Variants in MARCHF10 observed in about 807,000 individuals in gnomAD.
The protein encoded by MARCHF10 is membrane associated ring-CH-type finger 10.
MARCHF10 carries 64 observed loss-of-function variants against 76.2 expected under a neutral mutation model. The observed-to-expected ratio is 0.84, with a 90% confidence interval of 0.69 to 1.03. MARCHF10 has a LOEUF of 1.03. Ranked by LOEUF, MARCHF10 falls within the 50% of genes least tolerant of loss-of-function variation. MARCHF10 has a pLI of 0.00. For synonymous variants in MARCHF10, 340 were observed against 357.5 expected (o/e 0.95, Z 0.55); for missense variants, 875 against 958.0 (o/e 0.91, Z 1.14).
intron 8 of MARCHF10, among the ~76,000 whole-genome samples, chr17:62,714,050 T>C (rs189801647): frequency 2.1e-4 from 32 of 152,360 alleles, no homozygotes; most frequent in African/African-American, 7.5e-4. Context: ...AGAGTGCTCC[T>C]AGGTATAAGG....
At chr17:62,755,381 G>A (rs1363557615) in intron 4 of MARCHF10, among the ~76,000 whole-genome samples, 10 of 152,288 alleles carry the variant, frequency 6.6e-5, no homozygotes, top group East Asian at 1.9e-4. Context: ...ATGCCCCTTC[G>A]TGTCCTGGAA....
chr17:62,735,270 G>A (rs1409566788), intron 6 of MARCHF10: 2 of 152,088 alleles, frequency 1.3e-5, no homozygotes, highest in Non-Finnish European at 2.9e-5. Flanking sequence ...TTTAATGATG[G>A]CTTTACAAAG....
At chr17:62,800,460 A>G (rs1045812879) in intron 2 of MARCHF10, among the ~76,000 whole-genome samples, 9 of 152,150 alleles carry the variant, frequency 5.9e-5, no homozygotes, top group African/African-American at 2.2e-4. Context: ...TCGTCTTCTT[A>G]TACGTGGGTT....
At chr17:62,714,485 A>C in intron 8 of MARCHF10, 10 of 911,366 alleles carry the variant, frequency 1.1e-5, no homozygotes, top group Non-Finnish European at 1.2e-5. Flanking sequence ...TCTGGGCGTT[A>C]AGATCTGTGA....
In MARCHF10 at chr17:62,701,548, CAG is replaced by C. The variant is rs2089233826; in HGVS notation, c.*153_*154del. Reference sequence around the variant, plus strand: ...TGTGGCTGCCCATAGATGCTCAAGCCAGACCCCAAAAGAGAGTGGCACGAGGT... The same window carrying C: ...TGTGGCTGCCCATAGATGCTCAAGCCACCCCAAAAGAGAGTGGCACGAGGT... On this transcript the variant is annotated 3_prime_UTR_variant, in exon 11 of 11. Coordinates refer to ENST00000311269, the MANE Select transcript of MARCHF10 (RefSeq NM_152598.4). 31 of 1,526,156 alleles carry C rather than the reference CAG, an allele frequency of 2.0e-5. No individual in the cohort carries two copies. In the East Asian group the frequency reaches 6.7e-4, roughly 33 times the overall value. 94.5% of individuals were successfully genotyped at this position (1,526,156 alleles called of 1,614,324 possible).
In MARCHF10 at chr17:62,721,510, G is replaced by A. The variant is rs571533749; in HGVS notation, c.2214+978C>T. Among the ~76,000 whole-genome samples the A allele has an allele frequency of 4.6e-5, 7 of 152,138 alleles. No individual in the cohort carries two copies. The South Asian group carries it at 1.2e-3, about 27-fold the overall frequency. On this transcript the variant is annotated intron_variant, in intron 8 of 10. Coordinates refer to ENST00000311269, the MANE Select transcript of MARCHF10 (RefSeq NM_152598.4). ...AAAATAGTATTAGGTTGGTGCAAAAGTAATTGTGGATATTGCCAACAAAAG... is the reference window on the plus strand; with the variant it reads ...AAAATAGTATTAGGTTGGTGCAAAAATAATTGTGGATATTGCCAACAAAAG...
intron 7 of MARCHF10, among the ~76,000 whole-genome samples, chr17:62,724,086 T>C (rs548211482): frequency 1.4e-4 from 22 of 151,844 alleles, no homozygotes; most frequent in Admixed American, 1.3e-3. Context: ...CGGGGAGAAA[T>C]AGGATCTGGC....
At chr17:62,802,369 G>A (rs1328449882) in intron 1 of MARCHF10, among the ~76,000 whole-genome samples, 1 of 152,062 alleles carries the variant, frequency 6.6e-6, no homozygotes, top group Non-Finnish European at 1.5e-5. Flanking sequence ...ACAGGCACCT[G>A]CCACCACGCC....
At chr17:62,799,955 T>C (rs1401705612) in intron 2 of MARCHF10, among the ~76,000 whole-genome samples, 16 of 152,138 alleles carry the variant, frequency 1.1e-4, no homozygotes. Context: ...ATAATTCACC[T>C]CAACAGTCAA....
chr17:62,705,243 C>G, intron 10 of MARCHF10: 1 of 1,346,196 alleles, frequency 7.4e-7, no homozygotes, highest in Non-Finnish European at 9.5e-7. Flanking sequence ...CTGGAGAATC[C>G]CAGCAAGGAA....
At chr17:62,787,734 G>A (rs1041885812) in intron 3 of MARCHF10, among the ~76,000 whole-genome samples, 13 of 151,136 alleles carry the variant, frequency 8.6e-5, no homozygotes, top group African/African-American at 3.2e-4. Context: ...CAGTAAAGTG[G>A]GGCAAAGATG....
intron 1 of MARCHF10, among the ~76,000 whole-genome samples, chr17:62,807,488 C>T (rs73992070): frequency 1.3e-5 from 2 of 152,126 alleles, no homozygotes; most frequent in Non-Finnish European, 2.9e-5. Flanking sequence ...AGAAACTCAA[C>T]GTGTAATTGG....
intron 2 of MARCHF10, among the ~76,000 whole-genome samples, chr17:62,799,273 G>A (rs1298380018): frequency 6.6e-6 from 1 of 151,934 alleles, no homozygotes; most frequent in Non-Finnish European, 1.5e-5. Context: ...TACCACCCCG[G>A]GCCAAGTCAC....
intron 3 of MARCHF10, among the ~76,000 whole-genome samples, chr17:62,761,422 CT>C (rs1210453080): frequency 6.6e-6 from 1 of 151,848 alleles, no homozygotes; most frequent in Non-Finnish European, 1.5e-5. Flanking sequence ...TTTCTTTTTT[CT>C]TTTTTTCTTT....
At chr17:62,717,111 C>T (rs2090246011) in intron 8 of MARCHF10, among the ~76,000 whole-genome samples, 1 of 152,262 alleles carries the variant, frequency 6.6e-6, no homozygotes, top group South Asian at 2.1e-4. Flanking sequence ...ACAGTTGCTT[C>T]AGTCTTTATC....
chr17:62,702,241 C>G (rs184856885), intron 10 of MARCHF10, among the ~76,000 whole-genome samples: 217 of 152,108 alleles, frequency 1.4e-3, no homozygotes, highest in African/African-American at 5.1e-3. Context: ...CAGTGCAGTC[C>G]CAGTGGAGGA....
chr17:62,793,052 C>T (rs990995452), intron 2 of MARCHF10, among the ~76,000 whole-genome samples: 5 of 149,488 alleles, frequency 3.3e-5, no homozygotes, highest in African/African-American at 1.2e-4. Context: ...ACCACCAACG[C>T]CTCCATCACT....
At chr17:62,788,418 CA>C in intron 3 of MARCHF10, 61 bp downstream of exon 3, 19 of 1,596,676 alleles carry the variant, frequency 1.2e-5, no homozygotes, top group East Asian at 4.5e-5. Flanking sequence ...CACACACACA[CA>C]CACCACCACC....
intron 8 of MARCHF10, among the ~76,000 whole-genome samples, chr17:62,717,670 A>G (rs535694776): frequency 6.6e-6 from 1 of 152,304 alleles, no homozygotes; most frequent in South Asian, 2.1e-4. Flanking sequence ...CTTCTCCTGA[A>G]GGCCACAGGC....
Sources: gnomAD v4.1 joint callset for allele counts (sites outside exome capture counted in the v4.1 genomes callset) on GRCh38, gnomAD v4.1.1 for gene constraint, MANE v1.5 for transcripts, NCBI Gene and HGNC (gene_info 2026-07-23, HGNC 2026-07-21) for gene names.